Variants in SNX12 observed in about 807,000 individuals in gnomAD.
SNX12 encodes sorting nexin-12.
For synonymous variants in SNX12, 47 were observed against 56.0 expected (o/e 0.84, Z 0.71); for missense variants, 62 against 141.3 (o/e 0.44, Z 2.84).
At chrX:71,073,294 C>G (rs1350996742), upstream of SNX12, 1 of 111,895 alleles carries the variant, frequency 8.9e-6, no homozygotes, top group Non-Finnish European at 1.9e-5. Context: ...AAACAGACAC[C>G]TATTCATCTT....
At chrX:71,068,734 C>T (rs1321155722), upstream of SNX12, among the ~76,000 whole-genome samples, 1 of 112,575 alleles carries the variant, frequency 8.9e-6, no homozygotes, top group Non-Finnish European at 1.9e-5. Context: ...GCCCAGTGAC[C>T]TGAATAAGTC....
At chrX:71,068,108 C>G in intron 1 of SNX12, 34 bp downstream of exon 1, 1 of 1,143,471 alleles carries the variant, frequency 8.7e-7, no homozygotes. Flanking sequence ...CCGCCCGGTC[C>G]TCCCTCAGCT....
intron 1 of SNX12, among the ~76,000 whole-genome samples, chrX:71,064,152 A>G (rs1223013997): frequency 8.9e-6 from 1 of 111,930 alleles, no homozygotes; most frequent in Non-Finnish European, 1.9e-5. Context: ...TCATGTGTAC[A>G]TATTACATTT....
rs139107988 is a variant in SNX12, at chrX:71,061,438, A to G, written c.387-320T>C. Among the ~76,000 whole-genome samples the G allele has an allele frequency of 7.3e-3, 820 of 112,552 alleles. 4 individuals are homozygous for G. The highest frequency in any genetic ancestry group is 0.026 in the African/African-American group (796 of 30,994). ...CAATTGGCACCACATCATGGTACCC[A>G]TTATAAAAGGTGAGCTGGGTGCGGT... On this transcript the variant is annotated intron_variant, in intron 3 of 3. Transcript: ENST00000374274.
upstream of SNX12, among the ~76,000 whole-genome samples, chrX:71,069,482 A>G (rs2092166258): frequency 1.8e-5 from 2 of 112,672 alleles, no homozygotes; most frequent in Non-Finnish European, 3.7e-5. Flanking sequence ...ATAATGCGAC[A>G]AATACAAAAT....
chrX:71,071,572 T>TAA (rs1267267665), upstream of SNX12, among the ~76,000 whole-genome samples: 1 of 47,153 alleles, frequency 2.1e-5, no homozygotes, highest in Non-Finnish European at 2.9e-5. Flanking sequence ...TATTTATATA[T>TAA]TATATATATA....
intron 1 of SNX12, among the ~76,000 whole-genome samples, chrX:71,064,665 C>T (rs1180010495): frequency 3.5e-5 from 4 of 112,825 alleles, no homozygotes; most frequent in Non-Finnish European, 1.9e-5. Context: ...AGTGGCAACA[C>T]GAATCCCCTG....
chrX:71,065,630 C>A (rs1216984548), intron 1 of SNX12, among the ~76,000 whole-genome samples: 1 of 109,528 alleles, frequency 9.1e-6, no homozygotes. Flanking sequence ...CATGGCGAAA[C>A]CTGTCTCTAC....
At chrX:71,072,261 GAAA>G (rs746700000), upstream of SNX12, among the ~76,000 whole-genome samples, 1 of 91,209 alleles carries the variant, frequency 1.1e-5, no homozygotes, top group Non-Finnish European at 2.2e-5. Flanking sequence ...CCATCTTGGG[GAAA>G]AAAAAAAAAA....
intron 3 of SNX12, among the ~76,000 whole-genome samples, chrX:71,061,461 G>T (rs1484566852): frequency 8.9e-6 from 1 of 112,329 alleles, no homozygotes; most frequent in Non-Finnish European, 1.9e-5. Context: ...AGCTGGGTGC[G>T]GTGGCTCACG....
chrX:71,065,474 G>C (rs1450235304), intron 1 of SNX12, among the ~76,000 whole-genome samples: 1 of 109,345 alleles, frequency 9.1e-6, no homozygotes, highest in African/African-American at 3.3e-5. Flanking sequence ...TTCGAGACCA[G>C]CCTGGCCAAC....
chrX:71,061,212 C>T (rs2089773746), intron 3 of SNX12, 94 bp from the exon 4 acceptor site: 1 of 716,541 alleles, frequency 1.4e-6, no homozygotes, highest in African/African-American at 2.1e-5. Context: ...AGGGCAAGGT[C>T]AGCCCTGAGG....
chrX:71,070,226 C>G (rs755877632), upstream of SNX12, among the ~76,000 whole-genome samples: 7 of 111,475 alleles, frequency 6.3e-5, no homozygotes, highest in Non-Finnish European at 1.3e-4. Flanking sequence ...AGGAAAAATA[C>G]ATGATCAGAT....
upstream of SNX12, among the ~76,000 whole-genome samples, chrX:71,073,069 CACACAA>C (rs2092178059): frequency 1.9e-5 from 2 of 102,599 alleles, no homozygotes; most frequent in South Asian, 7.9e-4. Context: ...CACACACACA[CACACAA>C]AGAGTAGCTG....
At chrX:71,061,585 T>C (rs781121056) in intron 3 of SNX12, among the ~76,000 whole-genome samples, 2 of 110,978 alleles carry the variant, frequency 1.8e-5, no homozygotes, top group Non-Finnish European at 3.8e-5. Context: ...ACATGAAAAT[T>C]AGCTGGGCAT....
rs1412174408 is a variant in SNX12, at chrX:71,060,715, C to A, written c.*301G>T. Reference sequence around the variant, plus strand: ...CACCAGCACAAGCGCCCCCCTCCCCCCAGGTTAGCCTTCTGGCATGGGTAA... The same window carrying A: ...CACCAGCACAAGCGCCCCCCTCCCCACAGGTTAGCCTTCTGGCATGGGTAA... On this transcript the variant is annotated 3_prime_UTR_variant, in exon 4 of 4. Coordinates refer to ENST00000374274, the MANE Select transcript of SNX12 (RefSeq NM_013346.4). 3.5e-6 allele frequency: 1 copy of A among 289,104 alleles called. No individual in the cohort carries two copies. The allele number at this position is 289,104 out of a possible 1,213,427, so 23.8% of individuals were successfully genotyped here.
rs1416738804 is a variant in SNX12, at chrX:71,059,270, AAC to A, written c.*1744_*1745del. The A allele has an allele frequency of 8.9e-6, 1 of 112,321 alleles. No homozygotes were observed. The highest frequency in any genetic ancestry group is 1.9e-5 in the Non-Finnish European group (1 of 53,289). The allele number at this position is 112,321 out of a possible 1,213,427, so 9.3% of individuals were successfully genotyped here. A position where few individuals can be genotyped will look rare whatever the true frequency, so the allele number is the denominator to read the frequency against. On this transcript the variant is annotated 3_prime_UTR_variant, in exon 4 of 4. Coordinates refer to ENST00000374274, the MANE Select transcript of SNX12 (RefSeq NM_013346.4). ...GCTTGCTTCACAGTGGTTTAATATG[AAC>A]AGAGTTGAATATGACATTGTCTGAC...
rs772991709 is a variant in SNX12, at chrX:71,068,297, T to C, written c.10A>G (p.Thr4Ala). Residue 4 changes from threonine (T) to alanine (A), a missense_variant, in exon 1 of 4, where the codon ACG becomes GCG. Transcript: ENST00000374274. ...AGGCGCCGGGTATCAGCTACTGCCG[T>C]GTCCGACATCTTTCCGAAGGAGAGC... The part of the protein sequence containing the change: MSD[T>A]AVADTRRLNS... 1 of 1,199,753 alleles carries C rather than the reference T, an allele frequency of 8.3e-7. No homozygotes were observed. The highest frequency in any genetic ancestry group is 3.0e-5 in the East Asian group (1 of 33,088).
rs1334294092 is a variant in SNX12, at chrX:71,059,603, T to G, written c.*1413A>C. The G allele has an allele frequency of 1.6e-4, 18 of 110,702 alleles. No individual in the cohort carries two copies. Among genetic ancestry groups the G allele is most frequent in the African/African-American group, 5.9e-4 (18 of 30,331 alleles). The allele number at this position is 110,702 out of a possible 1,213,427, so 9.1% of individuals were successfully genotyped here. ...CCTATGTCAAAATACAATCCTAATC[T>G]CTCTGATCAGGGTCAGTCAGAATCA... On this transcript the variant is annotated 3_prime_UTR_variant, in exon 4 of 4. Transcript: ENST00000374274.
Sources: gnomAD v4.1 joint callset for allele counts (sites outside exome capture counted in the v4.1 genomes callset) on GRCh38, gnomAD v4.1.1 for gene constraint, MANE v1.5 for transcripts, NCBI Gene and HGNC (gene_info 2026-07-23, HGNC 2026-07-21) for gene names.